The following RALYL variants were observed in gnomAD, a reference collection of about 807,000 sequenced individuals.
The protein encoded by RALYL is RALY RNA binding protein like.
RALYL carries 29 observed loss-of-function variants against 35.1 expected under a neutral mutation model. The ratio of observed to expected loss-of-function variants is 0.83; its 90% confidence interval spans 0.61 to 1.13. The LOEUF (loss-of-function observed/expected upper bound fraction) is 1.13. Among genes scored for constraint, RALYL ranks in the 50% most tolerant of loss-of-function variants. RALYL has a pLI of 0.00. For synonymous variants in RALYL, 120 were observed against 127.6 expected (o/e 0.94, Z 0.40); for missense variants, 359 against 360.4 (o/e 1.00, Z 0.03).
rs992204726 is a variant in RALYL, at chr8:84,185,238, T to TA, written c.-24+821dup. ...TAATGACCCTACACCTCTAAGGTAT[T>TA]AAAAAAATGCCTTTTATTTAAATTT... On this transcript the variant is annotated intron_variant, in intron 1 of 8. Transcript: ENST00000521268. 215 of 580,064 alleles carry TA rather than the reference T, an allele frequency of 3.7e-4. 1 individual carries two copies. The highest frequency in any genetic ancestry group is 7.1e-4 in the African/African-American group (38 of 53,450). The allele number at this position is 580,064 out of a possible 1,614,324, so 35.9% of individuals were successfully genotyped here. A position where few individuals can be genotyped will look rare whatever the true frequency, so the allele number is the denominator to read the frequency against.
At chr8:84,686,674 G>A (rs1427212941) in intron 2 of RALYL, among the ~76,000 whole-genome samples, 1 of 151,946 alleles carries the variant, frequency 6.6e-6, no homozygotes, top group African/African-American at 2.4e-5. Flanking sequence ...CAAAGTGCTG[G>A]GATTTTAGGC....
chr8:84,538,841 G>C (rs147442352), intron 2 of RALYL, among the ~76,000 whole-genome samples: 3 of 152,078 alleles, frequency 2.0e-5, no homozygotes, highest in African/African-American at 7.2e-5. Flanking sequence ...GGAAACTCAA[G>C]GCATTACGTA....
chr8:84,693,032 T>G (rs939651234), intron 2 of RALYL, among the ~76,000 whole-genome samples: 1 of 152,004 alleles, frequency 6.6e-6, no homozygotes, highest in Non-Finnish European at 1.5e-5. Flanking sequence ...ATTTTAAATG[T>G]CTAACTTCCA....
intron 4 of RALYL, chr8:84,828,640 C>A (rs1043123853): frequency 1.1e-5 from 2 of 182,978 alleles, no homozygotes; most frequent in Admixed American, 6.4e-5. Context: ...TTTGTAAAAA[C>A]CAACATTTTG....
At chr8:84,249,988 T>A (rs1310755729) in intron 1 of RALYL, among the ~76,000 whole-genome samples, 1 of 152,062 alleles carries the variant, frequency 6.6e-6, no homozygotes, top group Non-Finnish European at 1.5e-5. Context: ...GTTCCAAAAT[T>A]TATAAAAATA....
chr8:84,722,825 T>TA (rs1187548416), intron 2 of RALYL, among the ~76,000 whole-genome samples: 2 of 148,660 alleles, frequency 1.3e-5, no homozygotes, highest in African/African-American at 5.1e-5. Flanking sequence ...CAATTTTGTA[T>TA]AAAAAAGGGA....
chr8:84,882,405 A>C (rs1214262110), intron 7 of RALYL, among the ~76,000 whole-genome samples: 1 of 152,028 alleles, frequency 6.6e-6, no homozygotes, highest in Non-Finnish European at 1.5e-5. Flanking sequence ...AGAAAATTTC[A>C]GACCTCACAT....
intron 1 of RALYL, among the ~76,000 whole-genome samples, chr8:84,367,344 T>A (rs1379240278): frequency 4.6e-5 from 5 of 108,574 alleles, no homozygotes; most frequent in South Asian, 3.7e-4. Context: ...TTTTTTTTTT[T>A]TTTTTTTTTT....
intron 4 of RALYL, among the ~76,000 whole-genome samples, chr8:84,814,777 A>G (rs888070587): frequency 7.9e-5 from 12 of 152,350 alleles, no homozygotes; most frequent in African/African-American, 2.6e-4. Context: ...TGCACCAGGA[A>G]ATGACTTCTA....
chr8:84,709,832 G>A (rs945333752), intron 2 of RALYL, among the ~76,000 whole-genome samples: 6 of 152,020 alleles, frequency 3.9e-5, no homozygotes, highest in Non-Finnish European at 8.8e-5. Flanking sequence ...AGGCCAAGGC[G>A]GGAGGATTAC....
At chr8:84,840,978 G>A (rs1237897210) in intron 4 of RALYL, among the ~76,000 whole-genome samples, 1 of 152,100 alleles carries the variant, frequency 6.6e-6, no homozygotes, top group Admixed American at 6.5e-5. Flanking sequence ...CACTAAACAT[G>A]GAAAGGAACA....
At chr8:84,895,460 G>A (rs956563619) in intron 8 of RALYL, among the ~76,000 whole-genome samples, 10 of 151,610 alleles carry the variant, frequency 6.6e-5, no homozygotes, top group African/African-American at 1.2e-4. Flanking sequence ...AAGTCTTTCC[G>A]TTTTTATTGT....
At chr8:84,917,968 G>C (rs528100158) in intron 8 of RALYL, among the ~76,000 whole-genome samples, 8 of 152,054 alleles carry the variant, frequency 5.3e-5, no homozygotes, top group Non-Finnish European at 1.0e-4. Flanking sequence ...TCTATAAAAA[G>C]TGTGAGTGGC....
chr8:84,406,343 G>C (rs1175399610), intron 1 of RALYL, among the ~76,000 whole-genome samples: 2 of 152,040 alleles, frequency 1.3e-5, no homozygotes, highest in African/African-American at 4.8e-5. Flanking sequence ...TCAGGATTTA[G>C]GAAGTCCAGT....
intron 1 of RALYL, among the ~76,000 whole-genome samples, chr8:84,306,200 G>T (rs751668711): frequency 1.6e-4 from 25 of 151,768 alleles, no homozygotes; most frequent in Middle Eastern, 3.4e-3. Flanking sequence ...TCTTTCAGTG[G>T]CAAAGCTTAT....
rs538587190 is a variant in RALYL, at chr8:84,184,807, T to C, written c.-24+383T>C. 2.6e-4 allele frequency: 162 copies of C among 620,074 alleles called. 4 individuals are homozygous for C. In the South Asian group the frequency reaches 2.8e-3, roughly 11 times the overall value. The allele number at this position is 620,074 out of a possible 1,614,324, so 38.4% of individuals were successfully genotyped here. A position where few individuals can be genotyped will look rare whatever the true frequency, so the allele number is the denominator to read the frequency against. On this transcript the variant is annotated intron_variant, in intron 1 of 8. Transcript: ENST00000521268. ...CACAGCAGGAGGGGCGAGGGCCGTGTACGTGGCGCTGGCCGTCGGGCGGGC... is the reference window on the plus strand; with the variant it reads ...CACAGCAGGAGGGGCGAGGGCCGTGCACGTGGCGCTGGCCGTCGGGCGGGC...
At chr8:84,751,254 C>T (rs754050865) in intron 2 of RALYL, among the ~76,000 whole-genome samples, 1 of 152,108 alleles carries the variant, frequency 6.6e-6, no homozygotes, top group Non-Finnish European at 1.5e-5. Flanking sequence ...ATCACCCAGG[C>T]TAGGGTGCAG....
chr8:84,363,985 A>C (rs1184457227), intron 1 of RALYL, among the ~76,000 whole-genome samples: 1 of 151,982 alleles, frequency 6.6e-6, no homozygotes, highest in Non-Finnish European at 1.5e-5. Context: ...TGTATTCTTG[A>C]CTCCTTAAAG....
chr8:84,353,748 G>A (rs549995138), intron 1 of RALYL, among the ~76,000 whole-genome samples: 1 of 150,334 alleles, frequency 6.7e-6, no homozygotes, highest in South Asian at 2.1e-4. Flanking sequence ...TTTGTTAGAG[G>A]ACTGGGAGTT....
Sources: allele counts gnomAD v4.1 joint callset (sites outside exome capture counted in the v4.1 genomes callset), GRCh38; gene constraint gnomAD v4.1.1; transcripts MANE v1.5; gene names NCBI Gene and HGNC (gene_info 2026-07-23, HGNC 2026-07-21).